RBM23: variants seen among roughly 807,000 people sequenced by gnomAD.
RBM23 encodes the protein probable RNA-binding protein 23.
In RBM23, 53 loss-of-function variants were observed where a neutral mutation model predicts 56.2. That is an observed-to-expected ratio of 0.94 (90% CI 0.76 to 1.19). RBM23 has a LOEUF of 1.19. Ranked by LOEUF, RBM23 falls within the 50% of genes most tolerant of loss-of-function variation. The probability of loss-of-function intolerance (pLI) is 0.00; values close to 1 mark genes in which losing one functional copy is unlikely to be tolerated. For synonymous variants in RBM23, 197 were observed against 198.5 expected, an observed-to-expected ratio of 0.99 and a Z score of 0.06; for missense variants, 642 against 590.3, an observed-to-expected ratio of 1.09 and a Z score of -0.91.
At chr14:22,903,885 T>G in intron 10 of RBM23, 1 of 1,172,086 alleles carries the variant, frequency 8.5e-7, no homozygotes, top group South Asian at 1.8e-5. Flanking sequence ...TAATTTCCTA[T>G]TCCCATCCCT....
Position 22,898,254 on chromosome 14 carries a change from T to A in RBM23, c.*3476A>T, listed in dbSNP as rs1439846047. 6.6e-6 allele frequency: 1 copy of A among 152,190 alleles called. No individual in the cohort carries two copies. The highest frequency in any genetic ancestry group is 2.4e-5 in the African/African-American group (1 of 41,426). 9.4% of individuals were successfully genotyped at this position (152,190 alleles called of 1,614,324 possible). A position where few individuals can be genotyped will look rare whatever the true frequency, so the allele number is the denominator to read the frequency against. ...TTCCTGTGTCAAGAGCACAGCAGTT[T>A]AAAGAACAGGGAGGAAATGCTGCCA... is the stretch of plus-strand genomic sequence containing the variant. On this transcript the variant is annotated 3_prime_UTR_variant, in exon 14 of 14. Transcript: ENST00000359890.
At chr14:22,917,891 A>C (rs2043835740) in intron 1 of RBM23, 1 of 152,262 alleles carries the variant, frequency 6.6e-6, no homozygotes, top group South Asian at 2.1e-4. Context: ...CCCACTGCTA[A>C]AGGAGCAGAG....
Position 22,900,625 on chromosome 14 carries a change from G to A in RBM23, c.*1105C>T, listed in dbSNP as rs2040369301. 1 of 151,942 alleles carries A rather than the reference G, an allele frequency of 6.6e-6. No individual in the cohort carries two copies. The highest frequency in any genetic ancestry group is 1.5e-5 in the Non-Finnish European group (1 of 68,018). The allele number at this position is 151,942 out of a possible 1,614,324, so 9.4% of individuals were successfully genotyped here. On this transcript the variant is annotated 3_prime_UTR_variant, in exon 14 of 14. Coordinates refer to ENST00000359890, the MANE Select transcript of RBM23 (RefSeq NM_001077351.2). The stretch of plus-strand genomic sequence containing the variant: ...AGTTTTCATTTTTCTTTCTAAAGGT[G>A]GTTAAATAAATAAACACAATGATGT...
chr14:22,915,697 T>C (rs931228671), intron 1 of RBM23, among the ~76,000 whole-genome samples: 4 of 152,118 alleles, frequency 2.6e-5, no homozygotes, highest in Non-Finnish European at 4.4e-5. Flanking sequence ...AGTTTCACCA[T>C]GTTGGCCAGG....
In RBM23 at chr14:22,899,764, G is replaced by A. The variant is rs897277028; in HGVS notation, c.*1966C>T. Reference sequence around the variant, plus strand: ...AGCTAGAGTCCCACTGGCCTTTTATGACTCAAGCAGGCTTCAAGTATTTAA... The same window carrying A: ...AGCTAGAGTCCCACTGGCCTTTTATAACTCAAGCAGGCTTCAAGTATTTAA... On this transcript the variant is annotated 3_prime_UTR_variant, in exon 14 of 14. Coordinates refer to ENST00000359890, the MANE Select transcript of RBM23 (RefSeq NM_001077351.2). 1 of 152,214 alleles carries A rather than the reference G, an allele frequency of 6.6e-6. No individual in the cohort carries two copies. The highest frequency in any genetic ancestry group is 1.5e-5 in the Non-Finnish European group (1 of 68,054). 9.4% of individuals were successfully genotyped at this position (152,214 alleles called of 1,614,324 possible). A position where few individuals can be genotyped will look rare whatever the true frequency, so the allele number is the denominator to read the frequency against.
intron 10 of RBM23, chr14:22,902,872 T>A (rs1160013037): frequency 1.2e-6 from 1 of 826,666 alleles, no homozygotes; most frequent in African/African-American, 1.9e-5. Flanking sequence ...TCTCCTGGGT[T>A]CAAGCAATTC....
chr14:22,901,625 C>G lies in RBM23; in HGVS notation c.*105G>C. Reference sequence around the variant, plus strand: ...TTTCCTCAGAGACAATGTCCATGCCCTCAGGATGGCTTGGTCCACAAAATG... The same window carrying G: ...TTTCCTCAGAGACAATGTCCATGCCGTCAGGATGGCTTGGTCCACAAAATG... On this transcript the variant is annotated 3_prime_UTR_variant, in exon 14 of 14. Coordinates refer to ENST00000359890, the MANE Select transcript of RBM23 (RefSeq NM_001077351.2). 2.7e-6 allele frequency: 4 copies of G among 1,500,582 alleles called. No homozygotes were observed. The highest frequency in any genetic ancestry group is 3.7e-6 in the Non-Finnish European group (4 of 1,080,304). The allele number at this position is 1,500,582 out of a possible 1,614,324, so 93.0% of individuals were successfully genotyped here.
intron 5 of RBM23, 53 bp downstream of exon 5, chr14:22,906,142 T>C: frequency 6.3e-7 from 1 of 1,593,002 alleles, no homozygotes; most frequent in Non-Finnish European, 8.6e-7. Flanking sequence ...AGTGCATTTG[T>C]TGTTTTATCC....
intron 1 of RBM23, among the ~76,000 whole-genome samples, chr14:22,914,746 G>T (rs963718219): frequency 5.3e-5 from 8 of 152,084 alleles, no homozygotes; most frequent in Admixed American, 3.3e-4. Context: ...ACTTTGGGAG[G>T]CCAAGGTGGG....
At chr14:22,917,575 T>A (rs1340404290) in intron 1 of RBM23, 2 of 151,200 alleles carry the variant, frequency 1.3e-5, no homozygotes, top group African/African-American at 4.9e-5. Context: ...TCTTTTTTGT[T>A]TTTTTTTTGT....
chr14:22,902,076 T>C lies in RBM23; in HGVS notation c.1150A>G (p.Thr384Ala), dbSNP rs199926651. ...AEGAGIQLPSTAAAAAAAAAQ... is the reference protein window; with the variant it reads ...AEGAGIQLPSAAAAAAAAAAQ... ...GCGGCGGCAGCAGCAGCAGCAGCAG[T>C]GCTTGGCAGTTGGATTCCAGCGCCT... is the stretch of plus-strand genomic sequence containing the variant. Residue 384 changes from threonine to alanine, a missense_variant, in exon 12 of 14, where the codon ACT (threonine) becomes GCT (alanine). By Grantham distance (58) the Thr-to-Ala change is moderately conservative (BLOSUM62 0). Transcript: ENST00000359890. 2.8e-4 allele frequency: 451 copies of C among 1,596,470 alleles called. 4 individuals are homozygous for C. The East Asian group carries it at 6.1e-3, about 22-fold the overall frequency.
intron 3 of RBM23, among the ~76,000 whole-genome samples, chr14:22,909,070 G>A (rs1383820639): frequency 6.6e-6 from 1 of 151,970 alleles, no homozygotes; most frequent in Non-Finnish European, 1.5e-5. Context: ...AGCCTCCTGA[G>A]TAGCTGGGAT....
intron 1 of RBM23, among the ~76,000 whole-genome samples, chr14:22,914,323 C>CAA (rs1176405918): frequency 0.021 from 1,796 of 87,602 alleles, 82 homozygotes; most frequent in East Asian, 0.087. Context: ...GACTCTGTCT[C>CAA]AAAAAAAAAA....
intron 3 of RBM23, 38 bp downstream of exon 3, chr14:22,909,444 TC>T: frequency 6.5e-7 from 1 of 1,534,354 alleles, no homozygotes; most frequent in Non-Finnish European, 9.0e-7. Context: ...CTGTTTCCCT[TC>T]CCCAAGTTGC....
At chr14:22,906,424 G>T in intron 4 of RBM23, 56 bp from the exon 5 acceptor site, 1 of 1,587,962 alleles carries the variant, frequency 6.3e-7, no homozygotes. Context: ...CAACAACCAA[G>T]TGCATATACA....
chr14:22,911,525 C>G, intron 1 of RBM23, 122 bp from the exon 2 acceptor site: 1 of 753,534 alleles, frequency 1.3e-6, no homozygotes, highest in Non-Finnish European at 2.1e-6. Context: ...AGTTCTGTTT[C>G]TTGAACTGCA....
chr14:22,903,493 G>C, intron 10 of RBM23: 1 of 985,796 alleles, frequency 1.0e-6, no homozygotes, highest in Non-Finnish European at 1.2e-6. Flanking sequence ...GGCCTGGCAT[G>C]TGGTACTGAC....
At chr14:22,906,053 T>C (rs558807235) in intron 5 of RBM23, 142 bp downstream of exon 5, 20 of 1,046,628 alleles carry the variant, frequency 1.9e-5, no homozygotes, top group East Asian at 5.2e-5. Flanking sequence ...CCAGTAAATT[T>C]TGAATACCAA....
intron 2 of RBM23, 113 bp from the exon 3 acceptor site, chr14:22,909,708 A>G: frequency 1.3e-6 from 1 of 769,092 alleles, no homozygotes; most frequent in Non-Finnish European, 2.2e-6. Context: ...TTGATTATCT[A>G]GCCAGATTTT....
Sources: gnomAD v4.1 joint callset for allele counts (sites outside exome capture counted in the v4.1 genomes callset) on GRCh38, gnomAD v4.1.1 for gene constraint, MANE v1.5 for transcripts, NCBI Gene and HGNC (gene_info 2026-07-23, HGNC 2026-07-21) for gene names.